The following GREB1L variants were observed in gnomAD, a reference collection of about 807,000 sequenced individuals.
The protein encoded by GREB1L is GREB1-like protein.
A neutral mutation model predicts 200.8 loss-of-function variants in GREB1L; 17 were observed. The observed-to-expected ratio is 0.08, with a 90% CI of 0.06 to 0.13. GREB1L has a LOEUF of 0.13. Ranked by LOEUF, GREB1L falls within the 10% of genes least tolerant of loss-of-function variation. The probability of loss-of-function intolerance (pLI) is 1.00; values close to 1 mark genes in which losing one functional copy is unlikely to be tolerated. For missense variants in GREB1L, 1,657 were observed against 2,367.7 expected, an observed-to-expected ratio of 0.70 and a Z score of 6.23; for synonymous variants, 789 against 893.0, an observed-to-expected ratio of 0.88 and a Z score of 2.08.
intron 17 of GREB1L, among the ~76,000 whole-genome samples, chr18:21,484,432 G>A (rs1414608788): frequency 6.6e-6 from 1 of 152,060 alleles, no homozygotes; most frequent in Non-Finnish European, 1.5e-5. Context: ...GAGCCACTGC[G>A]CCCAGCCTTT....
chr18:21,329,171 G>A (rs572585827), intron 1 of GREB1L, among the ~76,000 whole-genome samples: 1 of 151,850 alleles, frequency 6.6e-6, no homozygotes, highest in Admixed American at 6.6e-5. Flanking sequence ...CTGAAAATAC[G>A]AAAATTAGCC....
chr18:21,268,554 CACACACATATATATATAT>C (rs1337907056), intron 1 of GREB1L, among the ~76,000 whole-genome samples: 131 of 96,840 alleles, frequency 1.4e-3, no homozygotes, highest in African/African-American at 2.9e-3. Flanking sequence ...CACACACACA[CACACACATATATATATAT>C]ATATATATAT....
chr18:21,384,018 G>C (rs1029434136), intron 3 of GREB1L, among the ~76,000 whole-genome samples, 188 bp from the exon 4 acceptor site: 8 of 152,184 alleles, frequency 5.3e-5, no homozygotes, highest in Admixed American at 4.6e-4. Flanking sequence ...CCGGCCACTG[G>C]ACTCCTTTTT....
At chr18:21,397,986 G>A (rs2041156650) in intron 5 of GREB1L, among the ~76,000 whole-genome samples, 1 of 152,186 alleles carries the variant, frequency 6.6e-6, no homozygotes. Flanking sequence ...CATTTGAAAA[G>A]CATTATCGTC....
chr18:21,286,926 C>T (rs564723567), intron 1 of GREB1L, among the ~76,000 whole-genome samples: 2 of 152,310 alleles, frequency 1.3e-5, no homozygotes, highest in South Asian at 4.1e-4. Flanking sequence ...GGGTTACAGG[C>T]GTGAGCCACT....
chr18:21,318,959 G>T (rs899440035), intron 1 of GREB1L, among the ~76,000 whole-genome samples: 2 of 152,176 alleles, frequency 1.3e-5, no homozygotes, highest in Non-Finnish European at 2.9e-5. Context: ...GGACTTCACC[G>T]CATGGAGAGG....
chr18:21,472,744 T>C (rs2035532428), intron 15 of GREB1L, among the ~76,000 whole-genome samples: 1 of 152,236 alleles, frequency 6.6e-6, no homozygotes, highest in South Asian at 2.1e-4. Context: ...TAGAATTTAA[T>C]GAAGCAAAGG....
At chr18:21,404,536 A>G (rs1366458374) in intron 7 of GREB1L, among the ~76,000 whole-genome samples, 2 of 152,196 alleles carry the variant, frequency 1.3e-5, no homozygotes, top group Non-Finnish European at 2.9e-5. Flanking sequence ...AGGTCACAAT[A>G]TCAGAGCAGG....
chr18:21,262,659 T>C (rs1488813664), intron 1 of GREB1L, among the ~76,000 whole-genome samples: 5 of 152,228 alleles, frequency 3.3e-5, no homozygotes. Flanking sequence ...ATTATTCTAA[T>C]TACTTGTATT....
intron 1 of GREB1L, among the ~76,000 whole-genome samples, chr18:21,242,784 G>T (rs1467948713): frequency 6.6e-6 from 1 of 152,126 alleles, no homozygotes; most frequent in African/African-American, 2.4e-5. Flanking sequence ...CGAGTAGCGC[G>T]GGGTCCCCCG....
At chr18:21,396,788 A>G (rs2041084299) in intron 5 of GREB1L, among the ~76,000 whole-genome samples, 1 of 152,204 alleles carries the variant, frequency 6.6e-6, no homozygotes, top group African/African-American at 2.4e-5. Flanking sequence ...TAGCTTCCCT[A>G]TATCACAAGA....
rs2037659487 is a variant in GREB1L at position 21,524,930 on chromosome 18, T to C, written c.*2109T>C. Reference sequence around the variant, plus strand: ...AATGTTTGGATCTTTTAAAATCATCTTATCATCAGTATAATTCTTGAGTAT... The same window carrying C: ...AATGTTTGGATCTTTTAAAATCATCCTATCATCAGTATAATTCTTGAGTAT... On this transcript the variant is annotated 3_prime_UTR_variant, in exon 33 of 33. Transcript: ENST00000424526. 1 of 151,866 alleles carries C rather than the reference T, an allele frequency of 6.6e-6. No individual in the cohort carries two copies. Among genetic ancestry groups the C allele is most frequent in the African/African-American group, 2.4e-5 (1 of 41,396 alleles). 9.4% of individuals were successfully genotyped at this position (151,866 alleles called of 1,614,324 possible). A position where few individuals can be genotyped will look rare whatever the true frequency, so the allele number is the denominator to read the frequency against.
At chr18:21,289,628 CTT>C (rs1248465617) in intron 1 of GREB1L, among the ~76,000 whole-genome samples, 1 of 152,136 alleles carries the variant, frequency 6.6e-6, no homozygotes, top group Admixed American at 6.5e-5. Context: ...CTGATACTGA[CTT>C]AAATAATTAT....
intron 28 of GREB1L, 87 bp from the exon 29 acceptor site, chr18:21,515,330 C>A: frequency 2.4e-6 from 2 of 849,064 alleles, no homozygotes; most frequent in Non-Finnish European, 1.8e-6. Flanking sequence ...GAGAGTATTA[C>A]TGGTATATAG....
intron 27 of GREB1L, among the ~76,000 whole-genome samples, chr18:21,509,044 A>C (rs2037134317): frequency 6.6e-6 from 1 of 152,230 alleles, no homozygotes. Flanking sequence ...TTGTACAACC[A>C]GGGAGCTGGA....
intron 15 of GREB1L, among the ~76,000 whole-genome samples, chr18:21,470,974 C>T (rs2035460478): frequency 1.3e-5 from 2 of 152,156 alleles, no homozygotes; most frequent in African/African-American, 4.8e-5. Context: ...GCAAATAAAA[C>T]AATCAGGTAG....
At chr18:21,515,754 T>A in intron 29 of GREB1L, 110 bp downstream of exon 29, 1 of 800,578 alleles carries the variant, frequency 1.2e-6, no homozygotes, top group Non-Finnish European at 2.0e-6. Context: ...AGAAGCTGAC[T>A]CTTTATGTGG....
chr18:21,387,497 G>C (rs2040592536), intron 4 of GREB1L: 1 of 152,226 alleles, frequency 6.6e-6, no homozygotes, highest in Admixed American at 6.5e-5. Flanking sequence ...TTGTATGCCT[G>C]TTATCACTAA....
chr18:21,355,870 G>C (rs1300009665), intron 1 of GREB1L, among the ~76,000 whole-genome samples: 1 of 151,330 alleles, frequency 6.6e-6, no homozygotes, highest in Admixed American at 6.6e-5. Flanking sequence ...TCTTCCTTGT[G>C]AACTTATAAA....
Sources: gnomAD v4.1 joint callset for allele counts (sites outside exome capture counted in the v4.1 genomes callset) on GRCh38, gnomAD v4.1.1 for gene constraint, MANE v1.5 for transcripts, NCBI Gene and HGNC (gene_info 2026-07-23, HGNC 2026-07-21) for gene names.